Variants in TLE4 observed in about 807,000 individuals in gnomAD.
The protein encoded by TLE4 is TLE family member 4, transcriptional corepressor.
TLE4 carries 8 observed loss-of-function variants against 92.8 expected under a neutral mutation model. The ratio of observed to expected loss-of-function variants is 0.09; its 90% confidence interval spans 0.05 to 0.16. The LOEUF (loss-of-function observed/expected upper bound fraction) is 0.16, where lower values mean the gene tolerates loss of function less well. Among genes scored for constraint, TLE4 ranks in the 10% least tolerant of loss-of-function variants. The pLI is 1.00. For missense variants in TLE4, 675 were observed against 997.6 expected (o/e 0.68, Z 4.36); for synonymous variants, 371 against 374.1 (o/e 0.99, Z 0.10).
intron 17 of TLE4, 113 bp from the exon 18 acceptor site, chr9:79,722,338 T>C: frequency 7.7e-7 from 1 of 1,301,580 alleles, no homozygotes; most frequent in South Asian, 1.5e-5. Flanking sequence ...ACAATTCAAA[T>C]TATCTTGATT....
intron 6 of TLE4, among the ~76,000 whole-genome samples, chr9:79,647,839 T>C (rs1336312934): frequency 6.6e-6 from 1 of 151,820 alleles, no homozygotes; most frequent in Non-Finnish European, 1.5e-5. Context: ...TGAGCTTAAG[T>C]GGTGTCAGAA....
In TLE4 at chr9:79,706,913, T is replaced by TA. The variant is rs746750603; in HGVS notation, c.936+15dup. ...GAACTTAGCCTTGTAAGCAGCTCCT[T>TA]ACCATCTCTCTGAGTGTGGCCTCTG... On this transcript the variant is annotated intron_variant, in intron 11 of 19. Coordinates refer to ENST00000376552, the MANE Select transcript of TLE4 (RefSeq NM_007005.6). 6.2e-7 allele frequency: 1 copy of TA among 1,613,094 alleles called. No homozygotes were observed. Among genetic ancestry groups the TA allele is most frequent in the Non-Finnish European group, 8.5e-7 (1 of 1,179,526 alleles).
At chr9:79,700,220 C>T in intron 8 of TLE4, among the ~76,000 whole-genome samples, 1 of 152,290 alleles carries the variant, frequency 6.6e-6, no homozygotes, top group South Asian at 2.1e-4. Flanking sequence ...AAGCAACATC[C>T]CTTACGGCTA....
rs1431638629 is a variant in TLE4 at position 79,725,273 on chromosome 9, TC to T, written c.*133del. 1.6e-6 allele frequency: 1 copy of T among 626,558 alleles called. No homozygotes were observed. The highest frequency in any genetic ancestry group is 2.8e-5 in the Admixed American group (1 of 35,416). 38.8% of individuals were successfully genotyped at this position (626,558 alleles called of 1,614,324 possible). A position where few individuals can be genotyped will look rare whatever the true frequency, so the allele number is the denominator to read the frequency against. ...TACTCATTGCAGTTGTGGAGTTTAA[TC>T]CCCTTTCTTAACCTCACTTCCCACT... On this transcript the variant is annotated 3_prime_UTR_variant, in exon 20 of 20. Coordinates refer to ENST00000376552, the MANE Select transcript of TLE4 (RefSeq NM_007005.6).
chr9:79,681,601 C>T (rs748705859), intron 8 of TLE4, among the ~76,000 whole-genome samples: 11 of 152,126 alleles, frequency 7.2e-5, no homozygotes, highest in African/African-American at 1.2e-4. Context: ...ACATTCTAGA[C>T]ATTCTAAGTC....
chr9:79,586,575 G>C (rs1229279897), intron 4 of TLE4, among the ~76,000 whole-genome samples: 1 of 152,172 alleles, frequency 6.6e-6, no homozygotes, highest in East Asian at 1.9e-4. Flanking sequence ...GTGGCTTACA[G>C]TGAGCTTGAC....
At chr9:79,584,337 C>T (rs1449001704) in intron 4 of TLE4, among the ~76,000 whole-genome samples, 1 of 152,222 alleles carries the variant, frequency 6.6e-6, no homozygotes, top group Non-Finnish European at 1.5e-5. Flanking sequence ...TCTACCCTCT[C>T]ATTGCCTCTG....
intron 4 of TLE4, among the ~76,000 whole-genome samples, chr9:79,576,977 A>G (rs896454444): frequency 1.4e-4 from 21 of 151,510 alleles, no homozygotes; most frequent in African/African-American, 4.9e-4. Context: ...ATATATATAC[A>G]TACATATATA....
chr9:79,649,933 T>C, intron 6 of TLE4: 1 of 1,282,254 alleles, frequency 7.8e-7, no homozygotes, highest in Non-Finnish European at 1.0e-6. Flanking sequence ...GTTTTTTTTT[T>C]GAGACAGGGT....
intron 1 of TLE4, 199 bp from the exon 2 acceptor site, chr9:79,573,490 G>T: frequency 1.1e-6 from 1 of 940,686 alleles, no homozygotes; most frequent in Non-Finnish European, 1.4e-6. Flanking sequence ...GGAGTATGCG[G>T]GGCCCCAGGA....
intron 8 of TLE4, among the ~76,000 whole-genome samples, chr9:79,669,904 A>C (rs916657253): frequency 3.3e-5 from 5 of 152,106 alleles, no homozygotes; most frequent in Non-Finnish European, 5.9e-5. Flanking sequence ...TGCTCCACTC[A>C]AAAAAGTTAC....
rs1178587822 is a variant in TLE4 at position 79,574,869 on chromosome 9, A to G, written c.144-4A>G. 6 of 1,612,450 alleles carry G rather than the reference A, an allele frequency of 3.7e-6. No homozygotes were observed. The East Asian group carries it at 1.1e-4, about 30-fold the overall frequency. ...GTACTTAGAGTATCTTATGTCTTGA[A>G]CAGTCTGAAGCTGGAATGTGAGAAA... On this transcript the variant is annotated splice_region_variant and splice_polypyrimidine_tract_variant and intron_variant, in intron 2 of 19. Transcript: ENST00000376552.
At chr9:79,659,926 T>C (rs2060291317) in intron 8 of TLE4, among the ~76,000 whole-genome samples, 1 of 152,246 alleles carries the variant, frequency 6.6e-6, no homozygotes, top group Non-Finnish European at 1.5e-5. Flanking sequence ...AATAGAACTC[T>C]ACCTTTTTAC....
intron 8 of TLE4, among the ~76,000 whole-genome samples, chr9:79,667,040 T>G (rs1384612966): frequency 6.6e-6 from 1 of 152,236 alleles, no homozygotes; most frequent in Non-Finnish European, 1.5e-5. Flanking sequence ...TCACGTATTT[T>G]CTTGTACACA....
rs752738896 is a variant in TLE4, at chr9:79,667,402, A to G, written c.609+13327A>G. Among the ~76,000 whole-genome samples the G allele has an allele frequency of 3.3e-4, 50 of 152,252 alleles. 1 individual carries two copies. The highest frequency in any genetic ancestry group is 6.2e-4 in the Non-Finnish European group (42 of 68,044). On this transcript the variant is annotated intron_variant, in intron 8 of 19. Coordinates refer to ENST00000376552, the MANE Select transcript of TLE4 (RefSeq NM_007005.6). ...AAGCTATACACTTAAGAGGAAAGAA[A>G]GGGAACTTAGAACTGTTTTATCTTA...
At chr9:79,671,510 T>C (rs1050874247) in intron 8 of TLE4, 2 of 306,764 alleles carry the variant, frequency 6.5e-6, no homozygotes, top group African/African-American at 4.3e-5. Flanking sequence ...TTCCTCTAAT[T>C]GTGTGGGGAG....
At chr9:79,723,639 C>T (rs1484771652) in intron 19 of TLE4, among the ~76,000 whole-genome samples, 1 of 152,184 alleles carries the variant, frequency 6.6e-6, no homozygotes, top group Non-Finnish European at 1.5e-5. Context: ...AGGTGAAAGA[C>T]TTGCCTTTAT....
chr9:79,575,766 G>C (rs969222862), intron 3 of TLE4: 41 of 172,010 alleles, frequency 2.4e-4, no homozygotes, highest in Non-Finnish European at 4.4e-4. Context: ...AAACATCAGC[G>C]TTTGTATAAG....
Position 79,584,928 on chromosome 9 carries a change from G to A in TLE4, c.252+8751G>A, listed in dbSNP as rs144232186. Among the ~76,000 whole-genome samples, 19 of 152,234 alleles carry A rather than the reference G, an allele frequency of 1.2e-4. No homozygotes were observed. The East Asian group carries it at 3.1e-3, about 25-fold the overall frequency. On this transcript the variant is annotated intron_variant, in intron 4 of 19. Transcript: ENST00000376552. Reference sequence around the variant, plus strand: ...ACAGAATTTAAAATTCAGTTTGAACGTCACTGTATCACTAGTCAGTGTTTA... The same window carrying A: ...ACAGAATTTAAAATTCAGTTTGAACATCACTGTATCACTAGTCAGTGTTTA...
Sources: allele counts gnomAD v4.1 joint callset (sites outside exome capture counted in the v4.1 genomes callset), GRCh38; gene constraint gnomAD v4.1.1; transcripts MANE v1.5; gene names NCBI Gene and HGNC (gene_info 2026-07-23, HGNC 2026-07-21).